Variants in LRRK2 observed in about 807,000 individuals in gnomAD.
LRRK2 encodes leucine-rich repeat serine/threonine-protein kinase 2.
A neutral mutation model predicts 302.6 loss-of-function variants in LRRK2; 203 were observed. The observed-to-expected ratio is 0.67, with a 90% CI of 0.60 to 0.75. The LOEUF is 0.75. Among genes scored for constraint, LRRK2 ranks in the 30% least tolerant of loss-of-function variants. The pLI is 0.00. For synonymous variants in LRRK2, 1,066 were observed against 1,031.9 expected, an observed-to-expected ratio of 1.03 and a Z score of -0.63; for missense variants, 2,830 against 2,951.0, an observed-to-expected ratio of 0.96 and a Z score of 0.95.
chr12:40,349,257 A>T (rs914480523), intron 43 of LRRK2, among the ~76,000 whole-genome samples: 4 of 152,100 alleles, frequency 2.6e-5, no homozygotes, highest in Admixed American at 6.5e-5. Flanking sequence ...TCTTCCACTG[A>T]TCAACTCATT....
intron 37 of LRRK2, among the ~76,000 whole-genome samples, chr12:40,322,787 A>C (rs911590139): frequency 5.9e-5 from 9 of 152,064 alleles, no homozygotes; most frequent in African/African-American, 2.2e-4. Context: ...ATCTCATAGA[A>C]CTGTTATAAA....
rs1334688535 is a variant in LRRK2, at chr12:40,240,368, A to G, written c.572-115A>G. On this transcript the variant is annotated intron_variant, in intron 5 of 50. Transcript: ENST00000298910. ...CTTCACAGAAATATATTTTTTATTT[A>G]AGGAGATTACACTTGATGTATCTCA... is the stretch of plus-strand genomic sequence containing the variant. The G allele has an allele frequency of 1.0e-5, 9 of 893,930 alleles. No individual in the cohort carries two copies. In the Admixed American group the frequency reaches 1.4e-4, roughly 13 times the overall value. 55.4% of individuals were successfully genotyped at this position (893,930 alleles called of 1,614,324 possible).
At chr12:40,264,374 A>G (rs1159947428) in intron 14 of LRRK2, among the ~76,000 whole-genome samples, 1 of 152,210 alleles carries the variant, frequency 6.6e-6, no homozygotes, top group Non-Finnish European at 1.5e-5. Context: ...TAATCCCAGC[A>G]CTTTGGGAGG....
intron 5 of LRRK2, 96 bp downstream of exon 5, chr12:40,238,199 A>G: frequency 7.9e-7 from 1 of 1,259,556 alleles, no homozygotes; most frequent in African/African-American, 1.5e-5. Context: ...GAAGGTTTCT[A>G]AAATCCTACT....
chr12:40,355,946 A>G lies in LRRK2; in HGVS notation c.6771-169A>G, dbSNP rs371744749. 3.0e-3 allele frequency among the ~76,000 whole-genome samples: 452 copies of G among 152,334 alleles called. 1 individual carries two copies. The highest frequency in any genetic ancestry group is 0.01 in the Middle Eastern group (3 of 294). ...AGAGTCTGGGAAAAGGGGCAGAGAA[A>G]GAATTTATAATTCCAAGTCTTCTAA... On this transcript the variant is annotated intron_variant, in intron 45 of 50. Transcript: ENST00000298910.
At position 40,294,826 on chromosome 12, in the gene LRRK2, A is replaced by G. The variant is rs747106690; in HGVS notation, c.2809-19A>G. On this transcript the variant is annotated intron_variant, in intron 21 of 50. Coordinates refer to ENST00000298910, the MANE Select transcript of LRRK2 (RefSeq NM_198578.4). ...TCCAATAAATGACAGCAATTTTATT[A>G]TAAATTATTTTTTAATAGGGGCCCA... is the stretch of plus-strand genomic sequence containing the variant. The G allele has an allele frequency of 1.2e-5, 16 of 1,355,904 alleles. No individual in the cohort carries two copies. The African/African-American group carries it at 1.4e-4, about 12-fold the overall frequency. The allele number at this position is 1,355,904 out of a possible 1,614,324, so 84.0% of individuals were successfully genotyped here. A position where few individuals can be genotyped will look rare whatever the true frequency, so the allele number is the denominator to read the frequency against.
intron 20 of LRRK2, 104 bp downstream of exon 20, chr12:40,287,643 G>C (rs1943981352): frequency 8.8e-7 from 1 of 1,140,220 alleles, no homozygotes; most frequent in Admixed American, 2.1e-5. Context: ...GGAAAAACTT[G>C]AGTAGAAATG....
Position 40,259,618 on chromosome 12 carries a change from T to C in LRRK2, c.1543+14T>C, listed in dbSNP as rs1188761400. 1 of 1,612,738 alleles carries C rather than the reference T, an allele frequency of 6.2e-7. No individual in the cohort carries two copies. Among genetic ancestry groups the C allele is most frequent in the South Asian group, 1.1e-5 (1 of 91,052 alleles). On this transcript the variant is annotated intron_variant, in intron 13 of 50. Coordinates refer to ENST00000298910, the MANE Select transcript of LRRK2 (RefSeq NM_198578.4). Reference sequence around the variant, plus strand: ...TTATAGTGCCTGGTAAGTTACATAGTTGATTGTGGGAAGAGATAACAATTT... The same window carrying C: ...TTATAGTGCCTGGTAAGTTACATAGCTGATTGTGGGAAGAGATAACAATTT...
chr12:40,239,309 G>A (rs536467455), intron 5 of LRRK2, among the ~76,000 whole-genome samples: 157 of 152,250 alleles, frequency 1.0e-3, no homozygotes, highest in Non-Finnish European at 1.6e-3. Flanking sequence ...AGTTTACAGC[G>A]AGTACGGAAT....
intron 14 of LRRK2, 80 bp downstream of exon 14, chr12:40,263,981 C>A: frequency 1.0e-6 from 1 of 986,956 alleles, no homozygotes; most frequent in Non-Finnish European, 1.6e-6. Context: ...CTTTTTCAGT[C>A]TAAGTTTTCT....
At chr12:40,365,181 A>G in intron 49 of LRRK2, 131 bp downstream of exon 49, 1 of 791,836 alleles carries the variant, frequency 1.3e-6, no homozygotes, top group Non-Finnish European at 2.1e-6. Context: ...ACAGTGAAAC[A>G]TAAGACTGGT....
intron 48 of LRRK2, among the ~76,000 whole-genome samples, chr12:40,364,539 C>T (rs1946818618): frequency 6.6e-6 from 1 of 151,154 alleles, no homozygotes; most frequent in South Asian, 2.1e-4. Context: ...TTATCCTGGG[C>T]ACATGTATGC....
At position 40,278,155 on chromosome 12, in the gene LRRK2, T is replaced by C; in HGVS notation, c.2135T>C (p.Met712Thr). 6.2e-7 allele frequency: 1 copy of C among 1,614,164 alleles called. No homozygotes were observed. The change falls in exon 18 of 51, where the codon ATG (methionine) becomes ACG (threonine). Residue 712 changes from methionine to threonine, a missense_variant. Physicochemically the swap from Met to Thr is moderately conservative, Grantham distance 81 (BLOSUM62 -1). This residue lies in a region of LRRK2 where 2,121 missense variants were observed against 2,148.0 expected (regional missense o/e 0.99). Coordinates refer to ENST00000298910, the MANE Select transcript of LRRK2 (RefSeq NM_198578.4). ...VAMDDYLKNV[M>T]LERACDQNNS... The stretch of plus-strand genomic sequence containing the variant: ...ATGGATGATTACTTAAAAAATGTGA[T>C]GCTAGAGAGAGCGTGTGATCAGAAT...
chr12:40,304,354 C>G, intron 27 of LRRK2: 1 of 587,668 alleles, frequency 1.7e-6, no homozygotes, highest in Non-Finnish European at 3.0e-6. Context: ...CATTCTCACA[C>G]CGACAATTTA....
chr12:40,313,142 G>C (rs1233494085), intron 31 of LRRK2, among the ~76,000 whole-genome samples: 26 of 151,990 alleles, frequency 1.7e-4, no homozygotes, highest in Non-Finnish European at 3.8e-4. Context: ...AAAAGAATAT[G>C]TAATTTCCAT....
intron 14 of LRRK2, among the ~76,000 whole-genome samples, chr12:40,269,075 C>T (rs532835236): frequency 3.9e-5 from 6 of 152,148 alleles, no homozygotes; most frequent in South Asian, 2.1e-4. Context: ...TAAATGACAA[C>T]GGAACACCTT....
chr12:40,245,726 G>A (rs1941950672), intron 7 of LRRK2, among the ~76,000 whole-genome samples: 1 of 151,904 alleles, frequency 6.6e-6, no homozygotes, highest in African/African-American at 2.4e-5. Context: ...TATTATTATT[G>A]TAAATGGTAT....
Position 40,257,315 on chromosome 12 carries a change from T to A in LRRK2, c.1356T>A (p.His452Gln), listed in dbSNP as rs1221517886. The A allele has an allele frequency of 3.7e-6, 6 of 1,611,144 alleles. No individual in the cohort carries two copies. In the African/African-American group the frequency reaches 6.7e-5, roughly 18 times the overall value. ...ATGTTTTGGAGTTAATGCAGAAGCATATACATTCTCCTGAAGTGGCTGAAA... is the reference window on the plus strand; with the variant it reads ...ATGTTTTGGAGTTAATGCAGAAGCAAATACATTCTCCTGAAGTGGCTGAAA... ...HLNVLELMQKHIHSPEVAESG... is the reference protein window; with the variant it reads ...HLNVLELMQKQIHSPEVAESG... The change falls in exon 12 of 51, where the codon CAT becomes CAA. Residue 452 changes from histidine to glutamine, a missense_variant. This residue lies in a region of LRRK2 where 2,121 missense variants were observed against 2,148.0 expected (regional missense o/e 0.99). Coordinates refer to ENST00000298910, the MANE Select transcript of LRRK2 (RefSeq NM_198578.4).
Position 40,284,038 on chromosome 12 carries a change from G to A in LRRK2, c.2405G>A (p.Ser802Asn), listed in dbSNP as rs542083503. The A allele has an allele frequency of 2.5e-6, 4 of 1,613,788 alleles. No homozygotes were observed. Among genetic ancestry groups the A allele is most frequent in the South Asian group, 2.2e-5 (2 of 91,066 alleles). Residue 802 changes from serine (S) to asparagine (N), a missense_variant, in exon 19 of 51, where the codon AGC becomes AAC. Ser to Asn is a conservative substitution (Grantham distance 46). This residue lies in a region of LRRK2 where 2,121 missense variants were observed against 2,148.0 expected (regional missense o/e 0.99). Transcript: ENST00000298910. ...CTGGCCCTGGATGTGGCCAACAATA[G>A]CATTTGCCTTGGAGGATTTTGTATA... ...RRLALDVANN[S>N]ICLGGFCIGK...
Sources: gnomAD v4.1 joint callset for allele counts (sites outside exome capture counted in the v4.1 genomes callset) on GRCh38, gnomAD v4.1.1 for gene constraint, gnomAD v4.1.1 regional missense constraint, MANE v1.5 for transcripts, NCBI Gene and HGNC (gene_info 2026-07-23, HGNC 2026-07-21) for gene names.